ZNF90: variants seen among roughly 807,000 people sequenced by gnomAD.
ZNF90 encodes the protein zinc finger protein 90, also known as zinc finger protein HTF9.
ZNF90 carries 11 observed loss-of-function variants against 12.0 expected under a neutral mutation model. The ratio of observed to expected loss-of-function variants is 0.92; its 90% CI spans 0.58 to 1.52. The LOEUF is 1.52. Among genes scored for constraint, ZNF90 ranks in the 40% most tolerant of loss-of-function variants. The pLI is 0.00. For synonymous variants in ZNF90, 232 were observed against 240.1 expected, an observed-to-expected ratio of 0.97 and a Z score of 0.31; for missense variants, 765 against 711.5, an observed-to-expected ratio of 1.08 and a Z score of -0.86.
chr19:20,111,094 A>G (rs1233903929), intron 3 of ZNF90, among the ~76,000 whole-genome samples: 1 of 152,174 alleles, frequency 6.6e-6, no homozygotes, highest in Non-Finnish European at 1.5e-5. Flanking sequence ...TGGTGCCATG[A>G]CCAATGTGAT....
At chr19:20,117,241 A>G (rs2089146092) in intron 3 of ZNF90, among the ~76,000 whole-genome samples, 1 of 151,882 alleles carries the variant, frequency 6.6e-6, no homozygotes, top group South Asian at 2.1e-4. Context: ...ATGGGGTTTC[A>G]TGATGTTGGT....
rs1555706300 is a variant in ZNF90 at position 20,119,246 on chromosome 19, C to A, written c.1692C>A (p.Pro564=). ...AGATAAGTCATACTGGAGAGAAACC[C>A]TACAAATGTGAAGAATGTGGCAAAG... ...SHKISHTGEK[P]YKCEECGKAF... The change falls in exon 4 of 4, where the codon CCC becomes CCA. Residue 564 remains proline (P), a synonymous_variant. Transcript: ENST00000418063. 1.2e-5 allele frequency: 20 copies of A among 1,613,874 alleles called. No homozygotes were observed. Among genetic ancestry groups the A allele is most frequent in the Non-Finnish European group, 1.6e-5 (19 of 1,179,920 alleles).
chr19:20,085,026 A>G (rs2088847697), intron 1 of ZNF90, among the ~76,000 whole-genome samples: 1 of 152,012 alleles, frequency 6.6e-6, no homozygotes, highest in Non-Finnish European at 1.5e-5. Context: ...CTAGGTTATC[A>G]TGGCTGGGTT....
Position 20,120,199 on chromosome 19 carries a change from T to C in ZNF90, c.*839T>C, listed in dbSNP as rs1036270608. ...ATCCTTGAGAAAAATTGCACAATTA[T>C]AAAAAATATGGAAAACCCATTAATG... On this transcript the variant is annotated 3_prime_UTR_variant, in exon 4 of 4. Transcript: ENST00000418063. 2.0e-5 allele frequency among the ~76,000 whole-genome samples: 3 copies of C among 152,126 alleles called. 1 individual carries two copies. The highest frequency in any genetic ancestry group is 2.0e-4 in the Admixed American group (3 of 15,278).
Position 20,119,615 on chromosome 19 carries a change from C to A in ZNF90, c.*255C>A. 1 of 342,954 alleles carries A rather than the reference C, an allele frequency of 2.9e-6. No individual in the cohort carries two copies. Among genetic ancestry groups the A allele is most frequent in the Non-Finnish European group, 5.2e-6 (1 of 192,176 alleles). 21.2% of individuals were successfully genotyped at this position (342,954 alleles called of 1,614,324 possible). A position where few individuals can be genotyped will look rare whatever the true frequency, so the allele number is the denominator to read the frequency against. On this transcript the variant is annotated 3_prime_UTR_variant, in exon 4 of 4. Transcript: ENST00000418063. Reference sequence around the variant, plus strand: ...AATGCAGCAAAGCCTATAACAAGTTCTCAATTCTTTTTTTTTTTTTTTAAG... The same window carrying A: ...AATGCAGCAAAGCCTATAACAAGTTATCAATTCTTTTTTTTTTTTTTTAAG...
chr19:20,097,969 T>G (rs181768702), intron 1 of ZNF90, among the ~76,000 whole-genome samples: 134 of 152,344 alleles, frequency 8.8e-4, no homozygotes, highest in African/African-American at 3.2e-3. Context: ...GTGTTTCTCT[T>G]ATTGTCTTTA....
chr19:20,093,834 C>T (rs910659655), intron 1 of ZNF90, among the ~76,000 whole-genome samples: 3 of 152,126 alleles, frequency 2.0e-5, no homozygotes, highest in Admixed American at 6.5e-5. Context: ...CAAAGCTCGG[C>T]GTCCATGATG....
At chr19:20,114,446 C>T (rs1400371825) in intron 3 of ZNF90, among the ~76,000 whole-genome samples, 1 of 152,160 alleles carries the variant, frequency 6.6e-6, no homozygotes, top group Non-Finnish European at 1.5e-5. Context: ...ACATTGTTTT[C>T]TGTTTCAAAG....
rs947278367 is a variant in ZNF90 at position 20,120,480 on chromosome 19, G to T, written c.*1120G>T. On this transcript the variant is annotated 3_prime_UTR_variant, in exon 4 of 4. Coordinates refer to ENST00000418063, the MANE Select transcript of ZNF90 (RefSeq NM_007138.2). ...GTTCAACAACAGGGAATTTATGTTA[G>T]AGAAGAATCCTGCAAATGTAGTGAA... 9.9e-5 allele frequency among the ~76,000 whole-genome samples: 15 copies of T among 152,254 alleles called. No individual in the cohort carries two copies. In the East Asian group the frequency reaches 2.9e-3, roughly 29 times the overall value.
intron 1 of ZNF90, among the ~76,000 whole-genome samples, chr19:20,090,370 T>G (rs1486400181): frequency 6.6e-6 from 1 of 150,568 alleles, no homozygotes; most frequent in African/African-American, 2.5e-5. Context: ...GAAATACGAG[T>G]GAGTTTAAGG....
rs1358141726 is a variant in ZNF90 at position 20,101,543 on chromosome 19, G to A, written c.4-2696G>A. Among the ~76,000 whole-genome samples, 11 of 152,194 alleles carry A rather than the reference G, an allele frequency of 7.2e-5. No individual in the cohort carries two copies. In the East Asian group the frequency reaches 2.1e-3, roughly 29 times the overall value. On this transcript the variant is annotated intron_variant, in intron 1 of 3. Transcript: ENST00000418063. ...GAGAAACTTTTATTTTTATCTTCAT[G>A]GAGCAGCTTATTGTTTTTGAATCTC...
At chr19:20,090,401 A>C (rs1312444171) in intron 1 of ZNF90, among the ~76,000 whole-genome samples, 2 of 151,994 alleles carry the variant, frequency 1.3e-5, no homozygotes, top group African/African-American at 4.8e-5. Flanking sequence ...AGAGTACTTA[A>C]GTGGGGGAGA....
At chr19:20,078,524 G>T (rs1461741697) in intron 1 of ZNF90, among the ~76,000 whole-genome samples, 1 of 152,106 alleles carries the variant, frequency 6.6e-6, no homozygotes, top group Non-Finnish European at 1.5e-5. Flanking sequence ...AAAAACTTAT[G>T]GGGCCGGTCG....
At position 20,117,967 on chromosome 19, in the gene ZNF90, C is replaced by T. The variant is rs2089155147; in HGVS notation, c.413C>T (p.Thr138Ile). Residue 138 changes from threonine to isoleucine, a missense_variant, in exon 4 of 4, where the codon ACA becomes ATA. Transcript: ENST00000418063. ...RGYNGLNQCL[T>I]ATQSKVFQCD... ...TATAATGGACTTAACCAATGTTTGA[C>T]AGCTACCCAGAGCAAAGTATTTCAA... 2.5e-6 allele frequency: 4 copies of T among 1,613,382 alleles called. No homozygotes were observed. Among genetic ancestry groups the T allele is most frequent in the South Asian group, 1.1e-5 (1 of 90,958 alleles).
intron 1 of ZNF90, among the ~76,000 whole-genome samples, chr19:20,081,560 C>G (rs190702971): frequency 6.6e-6 from 1 of 152,190 alleles, no homozygotes; most frequent in East Asian, 1.9e-4. Flanking sequence ...TCCCCACCCC[C>G]AGACACTGAA....
chr19:20,092,126 A>C (rs1339032692), intron 1 of ZNF90, among the ~76,000 whole-genome samples: 1 of 152,218 alleles, frequency 6.6e-6, no homozygotes, highest in African/African-American at 2.4e-5. Context: ...GGCCGCATTT[A>C]AGTCCAGGCC....
intron 1 of ZNF90, among the ~76,000 whole-genome samples, chr19:20,100,963 C>A (rs953037925): frequency 6.6e-6 from 1 of 152,072 alleles, no homozygotes; most frequent in Non-Finnish European, 1.5e-5. Flanking sequence ...GAGTGCACAA[C>A]CCCCTTTGGA....
At chr19:20,082,933 C>A (rs1230352) in intron 1 of ZNF90, among the ~76,000 whole-genome samples, 39,950 of 152,052 alleles carry the variant, frequency 0.26, 5,978 homozygotes, top group East Asian at 0.48. Flanking sequence ...GGAGGTGAGA[C>A]GTGCTGGTGG....
chr19:20,120,675 TACAC>T lies in ZNF90; in HGVS notation c.*1316_*1319del, dbSNP rs2089187486. The T allele has an allele frequency of 1.3e-5, 2 of 152,210 alleles. No homozygotes were observed. The highest frequency in any genetic ancestry group is 2.4e-5 in the African/African-American group (1 of 41,466). The allele number at this position is 152,210 out of a possible 1,614,324, so 9.4% of individuals were successfully genotyped here. Reference sequence around the variant, plus strand: ...AATAAGGCACTGATACTTCAGACATTACACTAAAACAGTGTTGAGTATAAAAAAG... The same window carrying T: ...AATAAGGCACTGATACTTCAGACATTTAAAACAGTGTTGAGTATAAAAAAG... On this transcript the variant is annotated 3_prime_UTR_variant, in exon 4 of 4. Transcript: ENST00000418063.
Sources: gnomAD v4.1 joint callset for allele counts (sites outside exome capture counted in the v4.1 genomes callset) on GRCh38, gnomAD v4.1.1 for gene constraint, MANE v1.5 for transcripts, NCBI Gene and HGNC (gene_info 2026-07-23, HGNC 2026-07-21) for gene names.